The following VSIG10L variants were observed in gnomAD, a reference collection of about 807,000 sequenced individuals.
VSIG10L encodes V-set and immunoglobulin domain-containing protein 10-like.
In VSIG10L, 63 loss-of-function variants were observed where a neutral mutation model predicts 67.3. That is an observed-to-expected ratio of 0.94 (90% CI 0.76 to 1.15). The LOEUF is 1.15. VSIG10L is among the 50% of genes most tolerant of loss of function. The pLI is 0.00. For missense variants in VSIG10L, 1,050 were observed against 1,177.5 expected, an observed-to-expected ratio of 0.89 and a Z score of 1.58; for synonymous variants, 499 against 524.9, an observed-to-expected ratio of 0.95 and a Z score of 0.67.
rs1187286443 is a variant in VSIG10L at position 51,337,258 on chromosome 19, T to A, written c.2285A>T (p.Gln762Leu). Residue 762 changes from glutamine (Q) to leucine (L), a missense_variant, in exon 7 of 10, where the codon CAA (glutamine) becomes CTA (leucine). Gln to Leu is a moderately radical substitution (Grantham distance 113). This residue lies in a region of VSIG10L where 529 missense variants were observed against 584.9 expected (regional missense o/e 0.90). Transcript: ENST00000335624. The part of the protein sequence containing the change: ...ILGGQPGTPS[Q>L]SRVYRAGPTL... Reference sequence around the variant, plus strand: ...CTCACCGGCCCGGTAGACCCGGCTTTGTGATGGAGTCCCTGGCTGGCCCCC... The same window carrying A: ...CTCACCGGCCCGGTAGACCCGGCTTAGTGATGGAGTCCCTGGCTGGCCCCC... 1 of 1,549,056 alleles carries A rather than the reference T, an allele frequency of 6.5e-7. No homozygotes were observed. The highest frequency in any genetic ancestry group is 1.4e-5 in the African/African-American group (1 of 73,100).
chr19:51,336,881 C>G (rs536454315), intron 7 of VSIG10L, among the ~76,000 whole-genome samples: 2 of 150,776 alleles, frequency 1.3e-5, no homozygotes, highest in South Asian at 4.2e-4. Context: ...ATTCTCCTGC[C>G]TCAGCCTCCC....
At chr19:51,334,339 C>T (rs940154946) in intron 7 of VSIG10L, 35 bp from the exon 8 acceptor site, 3 of 1,540,990 alleles carry the variant, frequency 1.9e-6, no homozygotes, top group Admixed American at 2.0e-5. Context: ...AGAAGGGGAA[C>T]AGGAACCAAG....
chr19:51,337,875 G>A (rs868222596), intron 6 of VSIG10L, 55 bp downstream of exon 6: 1 of 1,488,020 alleles, frequency 6.7e-7, no homozygotes. Context: ...TGGGTCTGAG[G>A]GCTGGAGCGG....
intron 7 of VSIG10L, 94 bp downstream of exon 7, chr19:51,337,144 G>GT (rs1334495604): frequency 1.7e-4 from 241 of 1,379,354 alleles, no homozygotes; most frequent in Non-Finnish European, 2.1e-4. Context: ...GCAGTTCATG[G>GT]TACTTTGTTA....
At position 51,340,534 on chromosome 19, in the gene VSIG10L, A is replaced by C. The variant is rs778222475; in HGVS notation, c.1088T>G (p.Leu363Arg). 8.5e-5 allele frequency: 131 copies of C among 1,534,896 alleles called. No homozygotes were observed. The African/African-American group carries it at 1.6e-3, about 19-fold the overall frequency. The change falls in exon 3 of 10, where the codon CTG becomes CGG. Residue 363 changes from leucine (L) to arginine (R), a missense_variant. Physicochemically the swap from Leu to Arg is moderately radical, Grantham distance 102 (BLOSUM62 -2). Coordinates refer to ENST00000335624, the MANE Select transcript of VSIG10L (RefSeq NM_001163922.3). The surrounding 1 kb of genome is among the most constrained non-coding windows in gnomAD (Gnocchi z 6.3). ...TPRMRSEGDQ[L>R]LIVRPVRSDH... ...GCTGCGCACAGGGCGCACGATGAGCAGCTGGTCGCCCTCTGAGCGCATCCG... is the reference window on the plus strand; with the variant it reads ...GCTGCGCACAGGGCGCACGATGAGCCGCTGGTCGCCCTCTGAGCGCATCCG...
At position 51,337,547 on chromosome 19, in the gene VSIG10L, G is replaced by A. The variant is rs1435277170; in HGVS notation, c.2009-13C>T. 1.3e-6 allele frequency: 2 copies of A among 1,502,612 alleles called. No individual in the cohort carries two copies. The highest frequency in any genetic ancestry group is 2.1e-5 in the Admixed American group (1 of 47,780). 93.1% of individuals were successfully genotyped at this position (1,502,612 alleles called of 1,614,324 possible). A position where few individuals can be genotyped will look rare whatever the true frequency, so the allele number is the denominator to read the frequency against. ...GATATGGAGGGTCCTAGAGGGATGT[G>A]GGGGTGGCTGGATTCTTGGGTGCCA... On this transcript the variant is annotated splice_polypyrimidine_tract_variant and intron_variant, in intron 6 of 9. Coordinates refer to ENST00000335624, the MANE Select transcript of VSIG10L (RefSeq NM_001163922.3).
intron 5 of VSIG10L, 125 bp from the exon 6 acceptor site, chr19:51,338,333 C>A: frequency 9.6e-7 from 1 of 1,043,596 alleles, no homozygotes; most frequent in Non-Finnish European, 1.3e-6. Flanking sequence ...TGAGAAAGAA[C>A]TGCCAATTTA....
In VSIG10L at chr19:51,333,010, C is replaced by T. The variant is rs7251183; in HGVS notation, c.2575-370G>A. Among the ~76,000 whole-genome samples the T allele has an allele frequency of 7.7e-3, 1,175 of 152,028 alleles. 15 individuals are homozygous for T. The highest frequency in any genetic ancestry group is 0.027 in the African/African-American group (1,114 of 41,462). ...GACTACAGGTACGTGCCACCATGCC[C>T]GACTAATTTTAAAATTTTTTGTAGA... On this transcript the variant is annotated intron_variant, in intron 9 of 9. Coordinates refer to ENST00000335624, the MANE Select transcript of VSIG10L (RefSeq NM_001163922.3).
chr19:51,337,518 C>A lies in VSIG10L; in HGVS notation c.2025G>T (p.Ser675=), dbSNP rs772424926. ...CATCTCTGGCTCTCTGAAGCCTCCA[C>A]GAGGATATGGAGGGTCCTAGAGGGA... ...QITLIGPSIS[S]WRLQRARDAA... Residue 675 remains serine (S), a synonymous_variant, in exon 7 of 10, where the codon TCG becomes TCT. Coordinates refer to ENST00000335624, the MANE Select transcript of VSIG10L (RefSeq NM_001163922.3). 7.1e-6 allele frequency: 11 copies of A among 1,539,684 alleles called. No individual in the cohort carries two copies. Among genetic ancestry groups the A allele is most frequent in the African/African-American group, 1.4e-5 (1 of 72,070 alleles).
At position 51,340,877 on chromosome 19, in the gene VSIG10L, A is replaced by G. The variant is rs960002729; in HGVS notation, c.896-151T>C. On this transcript the variant is annotated intron_variant, in intron 2 of 9. Transcript: ENST00000335624. This position sits in a 1 kb window ranked among gnomAD's most constrained non-coding sequence, Gnocchi z 6.3. Reference sequence around the variant, plus strand: ...CATAAACCTATGAGTTTGAGCCCCCAGACACCTCCTCTCCGGGACCCAGGA... The same window carrying G: ...CATAAACCTATGAGTTTGAGCCCCCGGACACCTCCTCTCCGGGACCCAGGA... 2.0e-5 allele frequency among the ~76,000 whole-genome samples: 3 copies of G among 151,868 alleles called. No individual in the cohort carries two copies. Among genetic ancestry groups the G allele is most frequent in the African/African-American group, 7.3e-5 (3 of 41,340 alleles).
chr19:51,337,327 G>A lies in VSIG10L; in HGVS notation c.2216C>T (p.Pro739Leu). ...QERSAVVPLPPRNPGTWTFRI... is the reference protein window; with the variant it reads ...QERSAVVPLPLRNPGTWTFRI... ...AAAGGTCCAGGTCCCTGGGTTCCGAGGTGGAAGGGGCACCACGGCTGACCG... is the reference window on the plus strand; with the variant it reads ...AAAGGTCCAGGTCCCTGGGTTCCGAAGTGGAAGGGGCACCACGGCTGACCG... Residue 739 changes from proline (P) to leucine (L), a missense_variant, in exon 7 of 10, where the codon CCT becomes CTT. Transcript: ENST00000335624. 2 of 1,551,700 alleles carry A rather than the reference G, an allele frequency of 1.3e-6. No homozygotes were observed. Among genetic ancestry groups the A allele is most frequent in the African/African-American group, 1.4e-5 (1 of 73,166 alleles).
In VSIG10L at chr19:51,340,125, C is replaced by A; in HGVS notation, c.1364G>T (p.Arg455Leu). 7.7e-7 allele frequency: 1 copy of A among 1,305,414 alleles called. No homozygotes were observed. The highest frequency in any genetic ancestry group is 9.7e-7 in the Non-Finnish European group (1 of 1,032,516). The allele number at this position is 1,305,414 out of a possible 1,614,324, so 80.9% of individuals were successfully genotyped here. A position where few individuals can be genotyped will look rare whatever the true frequency, so the allele number is the denominator to read the frequency against. The change falls in exon 4 of 10, where the codon CGC becomes CTC. Residue 455 changes from arginine (R) to leucine (L), a missense_variant. Around this residue, in one of 3 missense-constraint regions of VSIG10L, gnomAD observed 529 missense variants for 584.9 expected, o/e 0.90. Transcript: ENST00000335624. The surrounding 1 kb of genome is among the most constrained non-coding windows in gnomAD (Gnocchi z 6.3). ...PAEAAVPAGS[R>L]LLLPAVGPGH... ...CGGTCCGACCGCGGGCAGCAGGAGG[C>A]GCGACCCCGCGGGCACCGCGGCCTC...
chr19:51,340,487 G>C lies in VSIG10L; in HGVS notation c.1135C>G (p.Arg379Gly), dbSNP rs574079156. 1 of 1,519,894 alleles carries C rather than the reference G, an allele frequency of 6.6e-7. No individual in the cohort carries two copies. Among genetic ancestry groups the C allele is most frequent in the Non-Finnish European group, 8.8e-7 (1 of 1,135,412 alleles). 94.2% of individuals were successfully genotyped at this position (1,519,894 alleles called of 1,614,324 possible). The change falls in exon 3 of 10, where the codon CGC (arginine) becomes GGC (glycine). Residue 379 changes from arginine to glycine, a missense_variant. Arg to Gly is a moderately radical substitution (Grantham distance 125). Coordinates refer to ENST00000335624, the MANE Select transcript of VSIG10L (RefSeq NM_001163922.3). This position sits in a 1 kb window ranked among gnomAD's most constrained non-coding sequence, Gnocchi z 6.3. ...VRSDHARYTC[R>G]VRSPFGHREA... is the part of the protein sequence containing the mutation. ...CTGTGGCCGAAGGGGCTGCGGACGC[G>C]GCAAGTGTACCGGGCGTGGTCGCTG...
chr19:51,332,242 C>A lies in VSIG10L; in HGVS notation c.*369G>T. 1 of 365,816 alleles carries A rather than the reference C, an allele frequency of 2.7e-6. No individual in the cohort carries two copies. Among genetic ancestry groups the A allele is most frequent in the Admixed American group, 3.9e-5 (1 of 25,740 alleles). 22.7% of individuals were successfully genotyped at this position (365,816 alleles called of 1,614,324 possible). A position where few individuals can be genotyped will look rare whatever the true frequency, so the allele number is the denominator to read the frequency against. On this transcript the variant is annotated 3_prime_UTR_variant, in exon 10 of 10. Transcript: ENST00000335624. ...TGGATGGGGTGTGGCCTACAGGTGGCAAAGTGAATGTAAGGGGACCTTTTC... is the reference window on the plus strand; with the variant it reads ...TGGATGGGGTGTGGCCTACAGGTGGAAAAGTGAATGTAAGGGGACCTTTTC...
rs1424236044 is a variant in VSIG10L at position 51,341,919 on chromosome 19, G to C, written c.129C>G (p.Ser43Arg). ...FSSAFSSDSK[S>R]SSQGLGVEVP... ...CTTCCACACCCAGCCCCTGGGAAGAGCTCTTTGAGTCTGAAGAGAAGGCAG... is the reference window on the plus strand; with the variant it reads ...CTTCCACACCCAGCCCCTGGGAAGACCTCTTTGAGTCTGAAGAGAAGGCAG... Residue 43 changes from serine (S) to arginine (R), a missense_variant, in exon 2 of 10, where the codon AGC becomes AGG. By Grantham distance (110) the Ser-to-Arg change is moderately radical (BLOSUM62 -1). Coordinates refer to ENST00000335624, the MANE Select transcript of VSIG10L (RefSeq NM_001163922.3). The C allele has an allele frequency of 1.9e-6, 3 of 1,551,624 alleles. No homozygotes were observed. The highest frequency in any genetic ancestry group is 2.6e-6 in the Non-Finnish European group (3 of 1,147,018).
rs1258048932 is a variant in VSIG10L at position 51,340,514 on chromosome 19, G to C, written c.1108C>G (p.Arg370Gly). ...CAAGTGTACCGGGCGTGGTCGCTGC[G>C]CACAGGGCGCACGATGAGCAGCTGG... ...GDQLLIVRPVRSDHARYTCRV... is the reference protein window; with the variant it reads ...GDQLLIVRPVGSDHARYTCRV... The change falls in exon 3 of 10, where the codon CGC becomes GGC. Residue 370 changes from arginine (R) to glycine (G), a missense_variant. By Grantham distance (125) the Arg-to-Gly change is moderately radical. Transcript: ENST00000335624. The surrounding 1 kb of genome is among the most constrained non-coding windows in gnomAD (Gnocchi z 6.3). The C allele has an allele frequency of 6.5e-7, 1 of 1,533,158 alleles. No homozygotes were observed. The highest frequency in any genetic ancestry group is 1.2e-5 in the South Asian group (1 of 83,816). 95.0% of individuals were successfully genotyped at this position (1,533,158 alleles called of 1,614,324 possible).
chr19:51,340,545 CT>C lies in VSIG10L; in HGVS notation c.1076del (p.Glu359GlyfsTer66), dbSNP rs1427176503. 6.5e-7 allele frequency: 1 copy of C among 1,535,776 alleles called. No individual in the cohort carries two copies. ...EGAETPRMRS[E>X]GDQLLIVRPV... ...GGCGCACGATGAGCAGCTGGTCGCC[CT>C]CTGAGCGCATCCGGGGCGTCTCGGC... On this transcript the variant is annotated frameshift_variant, in exon 3 of 10. Coordinates refer to ENST00000335624, the MANE Select transcript of VSIG10L (RefSeq NM_001163922.3). LOFTEE classifies it high-confidence loss of function. This position sits in a 1 kb window ranked among gnomAD's most constrained non-coding sequence, Gnocchi z 6.3.
chr19:51,335,090 G>A (rs1405535051), intron 7 of VSIG10L, among the ~76,000 whole-genome samples: 1 of 152,214 alleles, frequency 6.6e-6, no homozygotes, highest in Non-Finnish European at 1.5e-5. Context: ...CTAAACCCGG[G>A]GAAAGGGCGT....
rs1568463529 is a variant in VSIG10L, at chr19:51,341,485, G to C, written c.563C>G (p.Ala188Gly). ...CCCCACCTGCTGGGGAAAGCTTGCA[G>C]CTGAGTGGGTCTCTGCAGAAAATTT... is the stretch of plus-strand genomic sequence containing the variant. ...ESKFSAETHS[A>G]ASFPQQVGGP... The change falls in exon 2 of 10, where the codon GCT becomes GGT. Residue 188 changes from alanine to glycine, a missense_variant. Ala to Gly is a moderately conservative substitution (Grantham distance 60). This residue lies in a region of VSIG10L where 511 missense variants were observed against 557.9 expected (regional missense o/e 0.92). Coordinates refer to ENST00000335624, the MANE Select transcript of VSIG10L (RefSeq NM_001163922.3). 1.9e-6 allele frequency: 3 copies of C among 1,549,378 alleles called. No individual in the cohort carries two copies. The highest frequency in any genetic ancestry group is 2.6e-6 in the Non-Finnish European group (3 of 1,145,724).
Sources: gnomAD v4.1 joint callset for allele counts (sites outside exome capture counted in the v4.1 genomes callset) on GRCh38, gnomAD v4.1.1 for gene constraint, gnomAD v4.1.1 regional missense constraint, Gnocchi (gnomAD v3.1) non-coding constraint, MANE v1.5 for transcripts, NCBI Gene and HGNC (gene_info 2026-07-23, HGNC 2026-07-21) for gene names.